The following CNTN5 variants were observed in gnomAD, a reference collection of about 807,000 sequenced individuals.
CNTN5 encodes contactin 5.
In CNTN5, 77 loss-of-function variants were observed where a neutral mutation model predicts 129.1. That is an observed-to-expected ratio of 0.60 (90% CI 0.50 to 0.72). CNTN5 has a LOEUF of 0.72. Among genes scored for constraint, CNTN5 ranks in the 30% least tolerant of loss-of-function variants. The probability of loss-of-function intolerance (pLI) is 0.00; values close to 1 mark genes in which losing one functional copy is unlikely to be tolerated. For synonymous variants in CNTN5, 509 were observed against 465.6 expected (o/e 1.09, Z -1.20); for missense variants, 1,478 against 1,328.8 (o/e 1.11, Z -1.75).
chr11:100,206,836 C>T (rs530054918), intron 15 of CNTN5, among the ~76,000 whole-genome samples: 1 of 152,070 alleles, frequency 6.6e-6, no homozygotes, highest in South Asian at 2.1e-4. Flanking sequence ...CAGCACCTGG[C>T]ATCATGCCTG....
intron 21 of CNTN5, among the ~76,000 whole-genome samples, chr11:100,331,284 A>G (rs1234357456): frequency 6.6e-6 from 1 of 152,212 alleles, no homozygotes; most frequent in African/African-American, 2.4e-5. Context: ...GGAAAATATC[A>G]CAATTCTAAA....
chr11:99,781,094 T>G (rs1166050086), intron 3 of CNTN5, among the ~76,000 whole-genome samples: 3 of 152,116 alleles, frequency 2.0e-5, no homozygotes, highest in African/African-American at 4.8e-5. Flanking sequence ...GGCAGAATTG[T>G]GTCTGCTTGA....
intron 20 of CNTN5, among the ~76,000 whole-genome samples, chr11:100,306,250 G>C (rs914426827): frequency 2.0e-5 from 3 of 151,562 alleles, no homozygotes; most frequent in Admixed American, 1.3e-4. Context: ...TTGAGAGGCA[G>C]GTTCCTGAAC....
intron 2 of CNTN5, among the ~76,000 whole-genome samples, chr11:99,552,741 A>G (rs1948534741): frequency 6.6e-6 from 1 of 152,102 alleles, no homozygotes; most frequent in Admixed American, 6.5e-5. Context: ...CAGGGACCGG[A>G]TTGCATACGG....
At chr11:99,029,135 T>C (rs1287496831) in intron 1 of CNTN5, among the ~76,000 whole-genome samples, 1 of 151,770 alleles carries the variant, frequency 6.6e-6, no homozygotes, top group Non-Finnish European at 1.5e-5. Context: ...AATTATAGTA[T>C]TAAAATCATT....
At chr11:99,226,056 A>G (rs1416224480) in intron 1 of CNTN5, among the ~76,000 whole-genome samples, 1 of 152,206 alleles carries the variant, frequency 6.6e-6, no homozygotes, top group Admixed American at 6.6e-5. Flanking sequence ...TTTTAGAATG[A>G]CTTACAAACT....
At chr11:99,230,612 A>G (rs1860942465) in intron 1 of CNTN5, among the ~76,000 whole-genome samples, 1 of 152,188 alleles carries the variant, frequency 6.6e-6, no homozygotes, top group African/African-American at 2.4e-5. Flanking sequence ...TTGAGACTGC[A>G]ATAGCCTATC....
chr11:99,698,585 C>T (rs1236983812), intron 3 of CNTN5, among the ~76,000 whole-genome samples: 1 of 151,436 alleles, frequency 6.6e-6, no homozygotes, highest in Non-Finnish European at 1.5e-5. Context: ...TATATGTTAA[C>T]ACTTCTAAAA....
chr11:99,720,727 A>T (rs1404049963), intron 3 of CNTN5, among the ~76,000 whole-genome samples: 1 of 152,180 alleles, frequency 6.6e-6, no homozygotes, highest in Non-Finnish European at 1.5e-5. Context: ...TGCAGGTGAC[A>T]TGATTCTATA....
chr11:99,395,866 T>C lies in CNTN5; in HGVS notation c.-71+70382T>C, dbSNP rs540350570. On this transcript the variant is annotated intron_variant, in intron 2 of 24. Transcript: ENST00000524871. Reference sequence around the variant, plus strand: ...ACGTATGGTCTTAGATGTTTGGCCTTATTTCTGGGCTATCTATTCTGTTCC... The same window carrying C: ...ACGTATGGTCTTAGATGTTTGGCCTCATTTCTGGGCTATCTATTCTGTTCC... 4.6e-5 allele frequency among the ~76,000 whole-genome samples: 7 copies of C among 152,104 alleles called. 1 individual carries two copies. The highest frequency in any genetic ancestry group is 2.6e-4 in the Admixed American group (4 of 15,242).
At chr11:99,408,356 C>T (rs1221768008) in intron 2 of CNTN5, among the ~76,000 whole-genome samples, 2 of 131,420 alleles carry the variant, frequency 1.5e-5, no homozygotes, top group African/African-American at 2.9e-5. Flanking sequence ...CATGCCACTA[C>T]ACCAGGCTAC....
At chr11:100,137,669 A>G (rs1244394073) in intron 13 of CNTN5, among the ~76,000 whole-genome samples, 1 of 152,114 alleles carries the variant, frequency 6.6e-6, no homozygotes, top group Admixed American at 6.6e-5. Flanking sequence ...CTTATTGAGA[A>G]CTTGGGCAAG....
intron 2 of CNTN5, among the ~76,000 whole-genome samples, chr11:99,397,169 G>T (rs77516350): frequency 1.3e-5 from 2 of 151,848 alleles, no homozygotes; most frequent in African/African-American, 4.8e-5. Flanking sequence ...AAGGTGTTTT[G>T]CAGAATATCT....
At chr11:99,786,408 C>A (rs185860686) in intron 3 of CNTN5, among the ~76,000 whole-genome samples, 2 of 151,572 alleles carry the variant, frequency 1.3e-5, no homozygotes, top group Admixed American at 6.6e-5. Context: ...GAATCAATAT[C>A]GCAAAAATGG....
At chr11:99,840,809 A>T (rs530152315) in intron 4 of CNTN5, among the ~76,000 whole-genome samples, 170 of 152,288 alleles carry the variant, frequency 1.1e-3, no homozygotes, top group African/African-American at 3.8e-3. Flanking sequence ...GTTATCTCCA[A>T]CAAGTTATAG....
At chr11:99,289,199 A>G (rs1302259761) in intron 1 of CNTN5, among the ~76,000 whole-genome samples, 1 of 151,908 alleles carries the variant, frequency 6.6e-6, no homozygotes, top group African/African-American at 2.4e-5. Context: ...TTATGCTATT[A>G]TCTTCCTTCC....
chr11:99,919,937 G>A (rs558730977), intron 7 of CNTN5, among the ~76,000 whole-genome samples: 1 of 152,056 alleles, frequency 6.6e-6, no homozygotes, highest in South Asian at 2.1e-4. Context: ...TTATAGGCAT[G>A]AGCCACTGGG....
At chr11:99,895,198 A>C (rs772251597) in intron 6 of CNTN5, among the ~76,000 whole-genome samples, 1 of 152,184 alleles carries the variant, frequency 6.6e-6, no homozygotes, top group Non-Finnish European at 1.5e-5. Flanking sequence ...AGAGGGGACA[A>C]TGTCTCACCT....
chr11:99,892,459 G>C (rs1189043941), intron 6 of CNTN5, among the ~76,000 whole-genome samples: 1 of 152,134 alleles, frequency 6.6e-6, no homozygotes, highest in Non-Finnish European at 1.5e-5. Flanking sequence ...TATGGTTTTA[G>C]GTCTTACATT....
Sources: gnomAD v4.1 joint callset for allele counts (sites outside exome capture counted in the v4.1 genomes callset) on GRCh38, gnomAD v4.1.1 for gene constraint, MANE v1.5 for transcripts, NCBI Gene and HGNC (gene_info 2026-07-23, HGNC 2026-07-21) for gene names.